ARHGAP32: variants seen among roughly 807,000 people sequenced by gnomAD.
The protein encoded by ARHGAP32 is Rho GTPase activating protein 32.
A neutral mutation model predicts 186.5 loss-of-function variants in ARHGAP32; 51 were observed. The observed-to-expected ratio is 0.27, with a 90% CI of 0.22 to 0.35. ARHGAP32 has a LOEUF of 0.35. Ranked by LOEUF, ARHGAP32 falls within the 10% of genes least tolerant of loss-of-function variation. The pLI is 1.00. For missense variants in ARHGAP32, 2,186 were observed against 2,623.5 expected, an observed-to-expected ratio of 0.83 and a Z score of 3.64; for synonymous variants, 950 against 964.3, an observed-to-expected ratio of 0.99 and a Z score of 0.27.
chr11:129,081,233 A>G (rs1019667151), intron 6 of ARHGAP32, among the ~76,000 whole-genome samples: 3 of 152,154 alleles, frequency 2.0e-5, no homozygotes, highest in African/African-American at 7.2e-5. Context: ...AAAGATAGAG[A>G]AAGAGGGAAT....
chr11:129,210,927 C>T (rs975192285), intron 1 of ARHGAP32, among the ~76,000 whole-genome samples: 4 of 152,122 alleles, frequency 2.6e-5, no homozygotes, highest in Non-Finnish European at 5.9e-5. Flanking sequence ...GTGAACTGCA[C>T]GGGACTGCTG....
intron 1 of ARHGAP32, among the ~76,000 whole-genome samples, chr11:129,178,953 T>TA (rs1388753630): frequency 6.6e-6 from 1 of 151,934 alleles, no homozygotes; most frequent in Non-Finnish European, 1.5e-5. Flanking sequence ...GGGATCTAAT[T>TA]AAACTAAAGA....
chr11:129,084,909 A>C (rs541512508), intron 6 of ARHGAP32, among the ~76,000 whole-genome samples: 112 of 152,338 alleles, frequency 7.4e-4, no homozygotes, highest in Middle Eastern at 6.8e-3. Flanking sequence ...ACTGACAAAA[A>C]ACTCCTGGCA....
Position 128,970,926 on chromosome 11 carries a change from G to A in ARHGAP32, c.4287C>T (p.Pro1429=), listed in dbSNP as rs773000307. 4 of 1,613,950 alleles carry A rather than the reference G, an allele frequency of 2.5e-6. No homozygotes were observed. The highest frequency in any genetic ancestry group is 2.2e-5 in the East Asian group (1 of 44,872). The change falls in exon 23 of 23, where the codon CCC becomes CCT. Residue 1429 remains proline, a synonymous_variant. Transcript: ENST00000682385. The surrounding 1 kb of genome is among the most constrained non-coding windows in gnomAD (Gnocchi z 5.8). Reference sequence around the variant, plus strand: ...TCATCTTACTCTCCATCATCCTGGTGGGGGGCAGTGGTGCAGGAAAGCCAC... The same window carrying A: ...TCATCTTACTCTCCATCATCCTGGTAGGGGGCAGTGGTGCAGGAAAGCCAC... ...HPCGFPAPLP[P]TRMMESKMIA...
At chr11:129,100,023 G>A in intron 5 of ARHGAP32, among the ~76,000 whole-genome samples, 1 of 152,182 alleles carries the variant, frequency 6.6e-6, no homozygotes, top group East Asian at 1.9e-4. Flanking sequence ...ACTCGCTACA[G>A]GCCTCTGAAA....
chr11:129,017,594 T>C (rs1168933717), intron 11 of ARHGAP32, among the ~76,000 whole-genome samples: 1 of 152,186 alleles, frequency 6.6e-6, no homozygotes, highest in Admixed American at 6.5e-5. Context: ...ATTTTTGTAT[T>C]ATTTATCTTT....
At position 129,064,858 on chromosome 11, in the gene ARHGAP32, C is replaced by T. The variant is rs764552238; in HGVS notation, c.745G>A (p.Ala249Thr). The part of the protein sequence containing the change: ...IAGNKINCGP[A>T]LTWMEIDNKG... ...GGAAATACCTCCATCCAGGTAAGGGCGGGCCCACAGTTGATCTTGTTGCCA... is the reference window on the plus strand; with the variant it reads ...GGAAATACCTCCATCCAGGTAAGGGTGGGCCCACAGTTGATCTTGTTGCCA... The change falls in exon 8 of 23, where the codon GCC (alanine) becomes ACC (threonine). Residue 249 changes from alanine to threonine, a missense_variant. Ala to Thr is a moderately conservative substitution (Grantham distance 58). Coordinates refer to ENST00000682385, the MANE Select transcript of ARHGAP32 (RefSeq NM_001378024.1). The T allele has an allele frequency of 1.4e-5, 22 of 1,595,096 alleles. No homozygotes were observed. Among genetic ancestry groups the T allele is most frequent in the African/African-American group, 2.7e-5 (2 of 74,430 alleles).
chr11:129,214,259 G>A (rs1944616619), intron 1 of ARHGAP32, among the ~76,000 whole-genome samples: 2 of 152,130 alleles, frequency 1.3e-5, no homozygotes, highest in African/African-American at 4.8e-5. Context: ...ATAGACTTCA[G>A]TTAACAATAA....
At chr11:129,246,545 A>C (rs1480439635) in intron 1 of ARHGAP32, among the ~76,000 whole-genome samples, 1 of 152,220 alleles carries the variant, frequency 6.6e-6, no homozygotes, top group Non-Finnish European at 1.5e-5. Context: ...AAATGAACCA[A>C]AAAGGTTCTG....
intron 5 of ARHGAP32, among the ~76,000 whole-genome samples, chr11:129,094,298 T>A (rs1941667383): frequency 6.6e-6 from 1 of 152,188 alleles, no homozygotes; most frequent in South Asian, 2.1e-4. Flanking sequence ...GATGCTATTA[T>A]TACACATTGC....
intron 1 of ARHGAP32, among the ~76,000 whole-genome samples, chr11:129,255,698 G>A (rs1945245781): frequency 6.6e-6 from 1 of 151,870 alleles, no homozygotes; most frequent in Non-Finnish European, 1.5e-5. Flanking sequence ...ACAGAAAAAT[G>A]GGCAAAAGGC....
intron 12 of ARHGAP32, among the ~76,000 whole-genome samples, chr11:128,992,130 G>A (rs909483005): frequency 1.3e-5 from 2 of 152,046 alleles, no homozygotes; most frequent in African/African-American, 4.8e-5. Context: ...ATTAATTTCT[G>A]GTGTTATCTG....
chr11:129,081,011 T>C (rs960496561), intron 6 of ARHGAP32, among the ~76,000 whole-genome samples: 8 of 152,074 alleles, frequency 5.3e-5, no homozygotes, highest in Admixed American at 3.9e-4. Context: ...CTAGAGGAGA[T>C]GGATACATTC....
intron 11 of ARHGAP32, among the ~76,000 whole-genome samples, chr11:129,017,273 G>A (rs1411795029): frequency 6.6e-6 from 1 of 152,044 alleles, no homozygotes; most frequent in African/African-American, 2.4e-5. Context: ...GGCCAACATG[G>A]CGAAAACCTG....
intron 1 of ARHGAP32, among the ~76,000 whole-genome samples, chr11:129,270,659 A>G (rs1448598312): frequency 6.6e-6 from 1 of 152,070 alleles, no homozygotes; most frequent in East Asian, 1.9e-4. Flanking sequence ...CATATGTGTA[A>G]AGACAAGGGG....
At chr11:129,103,365 G>GA (rs1232886686) in intron 5 of ARHGAP32, among the ~76,000 whole-genome samples, 29 of 151,710 alleles carry the variant, frequency 1.9e-4, no homozygotes, top group Non-Finnish European at 4.1e-4. Flanking sequence ...ATCACTAAGA[G>GA]AAAAAAAGAA....
intron 5 of ARHGAP32, among the ~76,000 whole-genome samples, chr11:129,100,459 C>T (rs936499301): frequency 1.3e-5 from 2 of 152,304 alleles, no homozygotes; most frequent in East Asian, 1.9e-4. Flanking sequence ...GACCATGCAT[C>T]AGCCCAGACT....
intron 5 of ARHGAP32, among the ~76,000 whole-genome samples, chr11:129,115,989 A>AT (rs946550044): frequency 7.9e-5 from 12 of 152,054 alleles, no homozygotes; most frequent in African/African-American, 2.7e-4. Flanking sequence ...TAAACACAGG[A>AT]TATCTCTGGT....
chr11:129,240,825 AT>A (rs1945006548), intron 1 of ARHGAP32, among the ~76,000 whole-genome samples: 2 of 152,302 alleles, frequency 1.3e-5, no homozygotes, highest in East Asian at 3.9e-4. Context: ...TTTGAAAAAA[AT>A]TTTGAGTCTG....
Sources: allele counts gnomAD v4.1 joint callset (sites outside exome capture counted in the v4.1 genomes callset), GRCh38; gene constraint gnomAD v4.1.1; non-coding constraint Gnocchi (gnomAD v3.1); transcripts MANE v1.5; gene names NCBI Gene and HGNC (gene_info 2026-07-23, HGNC 2026-07-21).